Variants in SMYD3 observed in about 807,000 individuals in gnomAD.
SMYD3 encodes the protein SET and MYND domain containing 3.
SMYD3 carries 36 observed loss-of-function variants against 57.7 expected under a neutral mutation model. The ratio of observed to expected loss-of-function variants is 0.62; its 90% CI spans 0.48 to 0.82. The LOEUF (loss-of-function observed/expected upper bound fraction) is 0.82, where lower values mean the gene tolerates loss of function less well. SMYD3 is among the 40% of genes least tolerant of loss of function. The pLI, the probability that SMYD3 is intolerant of heterozygous loss-of-function variation, is 0.00. For synonymous variants in SMYD3, 211 were observed against 195.0 expected, an observed-to-expected ratio of 1.08 and a Z score of -0.68; for missense variants, 515 against 538.8, an observed-to-expected ratio of 0.96 and a Z score of 0.44.
At chr1:246,157,326 A>G (rs2062037056) in intron 5 of SMYD3, among the ~76,000 whole-genome samples, 1 of 152,196 alleles carries the variant, frequency 6.6e-6, no homozygotes, top group South Asian at 2.1e-4. Flanking sequence ...GAAAACAACC[A>G]GCAAATGGCC....
chr1:246,165,415 A>G (rs1373800325), intron 5 of SMYD3, among the ~76,000 whole-genome samples: 31 of 152,246 alleles, frequency 2.0e-4, no homozygotes, highest in Non-Finnish European at 1.5e-5. Flanking sequence ...AAAAGGTGAA[A>G]ATAATTGAGA....
At chr1:246,491,323 A>T (rs1028873994) in intron 1 of SMYD3, among the ~76,000 whole-genome samples, 11 of 152,300 alleles carry the variant, frequency 7.2e-5, no homozygotes, top group Non-Finnish European at 1.5e-5. Context: ...ATATTACCTA[A>T]GGTCAGGAGT....
chr1:246,326,339 T>A, intron 5 of SMYD3: 1 of 687,936 alleles, frequency 1.5e-6, no homozygotes, highest in South Asian at 1.6e-5. Flanking sequence ...GAGGGGGTGT[T>A]TCTGTCATCC....
At chr1:246,088,220 A>G (rs1048029953) in intron 5 of SMYD3, among the ~76,000 whole-genome samples, 4 of 152,054 alleles carry the variant, frequency 2.6e-5, no homozygotes, top group African/African-American at 9.7e-5. Context: ...AAACAAGGAC[A>G]CACACACACT....
chr1:246,109,655 A>C (rs1408033883), intron 5 of SMYD3: 2 of 152,194 alleles, frequency 1.3e-5, no homozygotes, highest in Admixed American at 6.5e-5. Flanking sequence ...TCACATATCC[A>C]GCTCTCATGG....
chr1:245,825,141 G>A (rs1311467743), intron 10 of SMYD3, among the ~76,000 whole-genome samples: 9 of 152,184 alleles, frequency 5.9e-5, no homozygotes, highest in Admixed American at 4.6e-4. Context: ...AGACACGTGA[G>A]AATGCAGCTT....
Position 246,348,077 on chromosome 1 carries a change from T to TATATATATATATATATATATATATATAC in SMYD3, c.228+6953_228+6954insGTATATATATATATATATATATATATAT. 7.9e-3 allele frequency among the ~76,000 whole-genome samples: 674 copies of TATATATATATATATATATATATATATAC among 85,658 alleles called. 26 individuals are homozygous for TATATATATATATATATATATATATATAC. The highest frequency in any genetic ancestry group is 0.026 in the Middle Eastern group (3 of 114). 56.2% of individuals were successfully genotyped at this position (85,658 alleles called of 152,430 possible). A position where few individuals can be genotyped will look rare whatever the true frequency, so the allele number is the denominator to read the frequency against. On this transcript the variant is annotated intron_variant, in intron 2 of 11. Coordinates refer to ENST00000490107, the MANE Select transcript of SMYD3 (RefSeq NM_001167740.2). The stretch of plus-strand genomic sequence containing the variant: ...AGAAAACGTTATATATATATATATA[T>TATATATATATATATATATATATATATAC]ACACACACACCATCAAATACTATGA...
At chr1:246,507,007 C>CCCCCCCCCCCCCCCCCCCCA in intron 1 of SMYD3, 47 bp downstream of exon 1, 1 of 1,318,584 alleles carries the variant, frequency 7.6e-7, no homozygotes, top group East Asian at 3.3e-5. Flanking sequence ...CTCCCCAGCA[C>CCCCCCCCCCCCCCCCCCCCA]CCCACACAGC....
intron 5 of SMYD3, among the ~76,000 whole-genome samples, chr1:246,264,387 T>A (rs1054404042): frequency 1.3e-5 from 2 of 152,228 alleles, no homozygotes; most frequent in Non-Finnish European, 2.9e-5. Context: ...CAATGGCTCA[T>A]ACCTATAATC....
chr1:246,068,392 T>C (rs750366970), intron 5 of SMYD3, among the ~76,000 whole-genome samples: 9 of 152,068 alleles, frequency 5.9e-5, no homozygotes, highest in Non-Finnish European at 1.2e-4. Flanking sequence ...CTATGTTTTA[T>C]AATTCTCTTC....
intron 2 of SMYD3, among the ~76,000 whole-genome samples, chr1:246,348,916 A>G (rs10924702): frequency 0.25 from 37,813 of 152,040 alleles, 5,179 homozygotes; most frequent in East Asian, 0.51. Flanking sequence ...CTCAGAAACC[A>G]TGTACAAGAG....
chr1:246,073,829 C>G (rs927260419), intron 5 of SMYD3, among the ~76,000 whole-genome samples: 7 of 152,096 alleles, frequency 4.6e-5, no homozygotes, highest in Non-Finnish European at 8.8e-5. Flanking sequence ...TCCAAACCTC[C>G]ATAGAGGTAC....
intron 5 of SMYD3, among the ~76,000 whole-genome samples, chr1:245,942,013 AC>A (rs1447867671): frequency 6.6e-6 from 1 of 152,234 alleles, no homozygotes; most frequent in African/African-American, 2.4e-5. Flanking sequence ...GTTACCAGCC[AC>A]TACAGAAACA....
At chr1:246,448,069 T>C (rs988277566) in intron 1 of SMYD3, among the ~76,000 whole-genome samples, 8 of 152,190 alleles carry the variant, frequency 5.3e-5, no homozygotes, top group East Asian at 3.8e-4. Context: ...ATAATCAAAT[T>C]AGCCAGGCGT....
Position 245,876,547 on chromosome 1 carries a change from C to A in SMYD3, c.814-12661G>T, listed in dbSNP as rs765321544. On this transcript the variant is annotated intron_variant, in intron 8 of 11. Coordinates refer to ENST00000490107, the MANE Select transcript of SMYD3 (RefSeq NM_001167740.2). ...TTTTGCTTTTCTTTTTTCTTGTCTGCTCAATCTACAGTTCTGTCTCCCATG... is the reference window on the plus strand; with the variant it reads ...TTTTGCTTTTCTTTTTTCTTGTCTGATCAATCTACAGTTCTGTCTCCCATG... 3.7e-4 allele frequency among the ~76,000 whole-genome samples: 56 copies of A among 152,220 alleles called. 2 individuals are homozygous for A. The highest frequency in any genetic ancestry group is 3.7e-3 in the Admixed American group (56 of 15,288).
chr1:246,242,227 TA>T (rs1424383800), intron 5 of SMYD3, among the ~76,000 whole-genome samples: 2 of 152,198 alleles, frequency 1.3e-5, no homozygotes, highest in Admixed American at 1.3e-4. Context: ...TGTGGGCACT[TA>T]ATGCTCTAAA....
chr1:246,242,522 G>A (rs2063632037), intron 5 of SMYD3, among the ~76,000 whole-genome samples: 2 of 152,096 alleles, frequency 1.3e-5, no homozygotes, highest in Middle Eastern at 3.4e-3. Context: ...ATCGATGCTA[G>A]GAAGAAACTG....
intron 1 of SMYD3, among the ~76,000 whole-genome samples, chr1:246,453,371 TG>T (rs2067658708): frequency 6.6e-6 from 1 of 152,202 alleles, no homozygotes; most frequent in Non-Finnish European, 1.5e-5. Context: ...GTTGAAACAT[TG>T]TTATAAGTGA....
At chr1:245,763,579 G>A (rs1221311644) in intron 11 of SMYD3, among the ~76,000 whole-genome samples, 2 of 152,116 alleles carry the variant, frequency 1.3e-5, no homozygotes, top group East Asian at 1.9e-4. Flanking sequence ...CTGGGTGGGT[G>A]GAAAGGAAGA....
Sources: gnomAD v4.1 joint callset for allele counts (sites outside exome capture counted in the v4.1 genomes callset) on GRCh38, gnomAD v4.1.1 for gene constraint, MANE v1.5 for transcripts, NCBI Gene and HGNC (gene_info 2026-07-23, HGNC 2026-07-21) for gene names.